Variants in MARK4 observed in about 807,000 individuals in gnomAD.
MARK4 encodes the protein MAP/microtubule affinity-regulating kinase 4.
MARK4 carries 19 observed loss-of-function variants against 81.5 expected under a neutral mutation model. That is an observed-to-expected ratio of 0.23 (90% CI 0.16 to 0.34). MARK4 has a LOEUF of 0.34. Ranked by LOEUF, MARK4 falls within the 10% of genes least tolerant of loss-of-function variation. The pLI is 1.00. For synonymous variants in MARK4, 436 were observed against 439.0 expected (o/e 0.99, Z 0.08); for missense variants, 772 against 1,058.8 (o/e 0.73, Z 3.76).
intron 8 of MARK4, among the ~76,000 whole-genome samples, chr19:45,273,638 G>A (rs535224357): frequency 1.3e-5 from 2 of 152,226 alleles, no homozygotes; most frequent in African/African-American, 4.8e-5. Flanking sequence ...TGACATTATC[G>A]ATTAGTTCAG....
At position 45,268,660 on chromosome 19, in the gene MARK4, C is replaced by T. The variant is rs1012496918; in HGVS notation, c.549+2379C>T. ...CTCAGGAGGCTGAGGCAGGAGGATC[C>T]CTTGAGCCCAGGAGGTTGAGGCTGC... On this transcript the variant is annotated intron_variant, in intron 7 of 16. Transcript: ENST00000262891. Among the ~76,000 whole-genome samples, 3 of 151,824 alleles carry T rather than the reference C, an allele frequency of 2.0e-5. No individual in the cohort carries two copies. In the East Asian group the frequency reaches 5.8e-4, roughly 29 times the overall value.
Position 45,263,383 on chromosome 19 carries a change from G to A in MARK4, c.355+16G>A, listed in dbSNP as rs1456118019. Reference sequence around the variant, plus strand: ...CCCAACATCGGTGAGGAGGGAATGGGAGCAGGGGCAGGCCACCAACTGGAA... The same window carrying A: ...CCCAACATCGGTGAGGAGGGAATGGAAGCAGGGGCAGGCCACCAACTGGAA... On this transcript the variant is annotated intron_variant, in intron 4 of 16. Transcript: ENST00000262891. The A allele has an allele frequency of 1.1e-5, 18 of 1,614,132 alleles. No homozygotes were observed. Among genetic ancestry groups the A allele is most frequent in the East Asian group, 2.2e-5 (1 of 44,878 alleles).
intron 14 of MARK4, among the ~76,000 whole-genome samples, chr19:45,295,638 G>A (rs1013261557): frequency 4.6e-5 from 7 of 152,148 alleles, no homozygotes; most frequent in South Asian, 4.1e-4. Context: ...AGCCAGGAAC[G>A]ATGTCATGTG....
At position 45,299,793 on chromosome 19, in the gene MARK4, C is replaced by A; in HGVS notation, c.1878-18C>A. On this transcript the variant is annotated intron_variant, in intron 15 of 16. Coordinates refer to ENST00000262891, the MANE Select transcript of MARK4 (RefSeq NM_001199867.2). ...CCTATGTCCAGATTAGACACTCTGT[C>A]CCCCTCCCCTCCCCTAGGGTCGCAG... 6.3e-7 allele frequency: 1 copy of A among 1,589,458 alleles called. No individual in the cohort carries two copies. The highest frequency in any genetic ancestry group is 8.6e-7 in the Non-Finnish European group (1 of 1,163,660).
chr19:45,297,703 C>T lies in MARK4; in HGVS notation c.1626C>T (p.Ala542=), dbSNP rs767214512. The change falls in exon 15 of 17, where the codon GCC becomes GCT. Residue 542 remains alanine, a synonymous_variant. Transcript: ENST00000262891. ...CAGGCACCCCACGGGTGCCCCCTGCCTCCCCCTCCAGTCACAGCCTGGCAC... is the reference window on the plus strand; with the variant it reads ...CAGGCACCCCACGGGTGCCCCCTGCTTCCCCCTCCAGTCACAGCCTGGCAC... The part of the protein sequence containing the change: ...NSSGTPRVPP[A]SPSSHSLAPP... 19 of 1,539,786 alleles carry T rather than the reference C, an allele frequency of 1.2e-5. No homozygotes were observed. Among genetic ancestry groups the T allele is most frequent in the Admixed American group, 6.4e-5 (3 of 47,080 alleles).
chr19:45,254,243 A>G (rs1337434932), intron 1 of MARK4, among the ~76,000 whole-genome samples: 1 of 152,114 alleles, frequency 6.6e-6, no homozygotes, highest in Non-Finnish European at 1.5e-5. Context: ...CTGGTGGTGC[A>G]GGCCAATTTT....
At chr19:45,292,533 G>A (rs937173369) in intron 13 of MARK4, among the ~76,000 whole-genome samples, 1 of 152,062 alleles carries the variant, frequency 6.6e-6, no homozygotes, top group Non-Finnish European at 1.5e-5. Flanking sequence ...ATTGCTAAAC[G>A]AAACCCACAC....
chr19:45,281,671 C>G (rs941097755), intron 12 of MARK4, among the ~76,000 whole-genome samples: 1 of 152,054 alleles, frequency 6.6e-6, no homozygotes, highest in African/African-American at 2.4e-5. Context: ...CAATTTCTTA[C>G]CTTAGAGACC....
At position 45,302,153 on chromosome 19, in the gene MARK4, T is replaced by A. The variant is rs1231937068; in HGVS notation, c.1923-221T>A. On this transcript the variant is annotated intron_variant, in intron 16 of 16. Coordinates refer to ENST00000262891, the MANE Select transcript of MARK4 (RefSeq NM_001199867.2). The surrounding 1 kb of genome is among the most constrained non-coding windows in gnomAD (Gnocchi z 4.9). Reference sequence around the variant, plus strand: ...CTCACTTCTGCTCATGTCCCAGAATTTACAGACAAGGTCACACCTGGTTGC... The same window carrying A: ...CTCACTTCTGCTCATGTCCCAGAATATACAGACAAGGTCACACCTGGTTGC... 6.6e-6 allele frequency among the ~76,000 whole-genome samples: 1 copy of A among 152,160 alleles called. No homozygotes were observed. The highest frequency in any genetic ancestry group is 1.5e-5 in the Non-Finnish European group (1 of 68,018).
At chr19:45,253,554 G>T (rs1392739449) in intron 1 of MARK4, among the ~76,000 whole-genome samples, 4 of 152,224 alleles carry the variant, frequency 2.6e-5, no homozygotes, top group South Asian at 2.1e-4. Context: ...AATGCCAGCT[G>T]CTATTGTGGC....
intron 1 of MARK4, 117 bp downstream of exon 1, chr19:45,251,756 T>G (rs1388677923): frequency 1.3e-5 from 12 of 915,598 alleles, no homozygotes; most frequent in Non-Finnish European, 1.9e-5. Flanking sequence ...CCGACCCGGC[T>G]CGTCACCTCT....
intron 2 of MARK4, among the ~76,000 whole-genome samples, chr19:45,262,002 A>G (rs867772020): frequency 2.0e-5 from 3 of 152,082 alleles, no homozygotes; most frequent in African/African-American, 4.8e-5. Flanking sequence ...TTTCCTCCCC[A>G]TGATGTATCT....
chr19:45,261,038 A>G (rs922675361), intron 2 of MARK4, among the ~76,000 whole-genome samples: 19 of 152,194 alleles, frequency 1.2e-4, no homozygotes, highest in Admixed American at 2.0e-4. Flanking sequence ...CTTCAGAGAA[A>G]TGATTGGAAT....
chr19:45,287,541 G>T lies in MARK4; in HGVS notation c.1371G>T (p.Ala457=). ...AGGAGCGGCTGCCAGGCCGGAAGGC[G>T]AGCTGCAGCACCGCGGGGAGTGGGA... ...LKEERLPGRK[A]SCSTAGSGSR... is the part of the protein sequence containing the mutation. Residue 457 remains alanine, a synonymous_variant, in exon 13 of 17, where the codon GCG becomes GCT. Coordinates refer to ENST00000262891, the MANE Select transcript of MARK4 (RefSeq NM_001199867.2). The T allele has an allele frequency of 6.3e-7, 1 of 1,579,580 alleles. No individual in the cohort carries two copies. Among genetic ancestry groups the T allele is most frequent in the Non-Finnish European group, 8.6e-7 (1 of 1,160,720 alleles).
rs1428954973 is a variant in MARK4 at position 45,251,351 on chromosome 19, C to CGCCT, written c.-234_-231dup. The CGCCT allele has an allele frequency of 6.4e-6, 1 of 155,998 alleles. No homozygotes were observed. Among genetic ancestry groups the CGCCT allele is most frequent in the Non-Finnish European group, 1.4e-5 (1 of 71,628 alleles). 9.7% of individuals were successfully genotyped at this position (155,998 alleles called of 1,614,324 possible). A position where few individuals can be genotyped will look rare whatever the true frequency, so the allele number is the denominator to read the frequency against. ...GCCCCCTCCGCGGCCCCCGCCCGCC[C>CGCCT]GCCTGCCCGCCGCCCCCATGGCGCC... On this transcript the variant is annotated 5_prime_UTR_variant, in exon 1 of 17. Transcript: ENST00000262891.
At chr19:45,296,618 G>A (rs1013141991) in intron 14 of MARK4, among the ~76,000 whole-genome samples, 2 of 152,264 alleles carry the variant, frequency 1.3e-5, no homozygotes, top group Admixed American at 1.3e-4. Flanking sequence ...GCCATGTGCA[G>A]TGCTCATACT....
intron 2 of MARK4, among the ~76,000 whole-genome samples, chr19:45,261,055 T>C (rs930081797): frequency 9.9e-5 from 15 of 152,214 alleles, no homozygotes; most frequent in Non-Finnish European, 2.2e-4. Flanking sequence ...GAATGAATTA[T>C]CCTGCCTTGG....
rs1447811392 is a variant in MARK4, at chr19:45,303,083, A to T, written c.*373A>T. On this transcript the variant is annotated 3_prime_UTR_variant, in exon 17 of 17. Transcript: ENST00000262891. Reference sequence around the variant, plus strand: ...TGGGCAGGGGCAGGGAGAGCTGCTGAGCCTAAAGACTGGAGAATCTGGGGG... The same window carrying T: ...TGGGCAGGGGCAGGGAGAGCTGCTGTGCCTAAAGACTGGAGAATCTGGGGG... The T allele has an allele frequency of 1.2e-5, 3 of 259,910 alleles. No individual in the cohort carries two copies. The highest frequency in any genetic ancestry group is 2.2e-5 in the Non-Finnish European group (3 of 135,560). The allele number at this position is 259,910 out of a possible 1,614,324, so 16.1% of individuals were successfully genotyped here.
At chr19:45,273,142 T>C (rs1392667359) in intron 8 of MARK4, among the ~76,000 whole-genome samples, 2 of 151,850 alleles carry the variant, frequency 1.3e-5, no homozygotes, top group Admixed American at 6.6e-5. Flanking sequence ...GCTTTTTTTT[T>C]TTCCCCCTTT....
Sources: gnomAD v4.1 joint callset for allele counts (sites outside exome capture counted in the v4.1 genomes callset) on GRCh38, gnomAD v4.1.1 for gene constraint, Gnocchi (gnomAD v3.1) non-coding constraint, MANE v1.5 for transcripts, NCBI Gene and HGNC (gene_info 2026-07-23, HGNC 2026-07-21) for gene names.